Variants in GATB observed in about 807,000 individuals in gnomAD.
GATB encodes the protein glutamyl-tRNA(Gln) amidotransferase subunit B, mitochondrial.
In GATB, 39 loss-of-function variants were observed where a neutral mutation model predicts 62.3. The ratio of observed to expected loss-of-function variants is 0.63; its 90% confidence interval spans 0.48 to 0.82. The LOEUF (loss-of-function observed/expected upper bound fraction) is 0.82, where lower values mean the gene tolerates loss of function less well. Ranked by LOEUF, GATB falls within the 40% of genes least tolerant of loss-of-function variation. GATB has a pLI of 0.00. For synonymous variants in GATB, 276 were observed against 258.9 expected, an observed-to-expected ratio of 1.07 and a Z score of -0.63; for missense variants, 670 against 684.0, an observed-to-expected ratio of 0.98 and a Z score of 0.23.
intron 2 of GATB, among the ~76,000 whole-genome samples, chr4:151,742,263 T>C (rs1739506285): frequency 6.6e-6 from 1 of 151,842 alleles, no homozygotes; most frequent in African/African-American, 2.4e-5. Context: ...TAATTTCTTG[T>C]ATTTTTAGTA....
intron 2 of GATB, among the ~76,000 whole-genome samples, chr4:151,726,398 A>C (rs1739138248): frequency 1.3e-5 from 2 of 152,204 alleles, no homozygotes; most frequent in Admixed American, 6.5e-5. Context: ...TATAATAATT[A>C]AGCTTGCTGA....
At chr4:151,700,290 G>A (rs966133036) in intron 9 of GATB, among the ~76,000 whole-genome samples, 22 of 152,082 alleles carry the variant, frequency 1.4e-4, no homozygotes, top group Non-Finnish European at 2.9e-5. Flanking sequence ...ACACTAATAA[G>A]TACTTAAAAG....
chr4:151,734,945 G>T (rs993062924), intron 2 of GATB, among the ~76,000 whole-genome samples: 2 of 152,080 alleles, frequency 1.3e-5, no homozygotes, highest in African/African-American at 4.8e-5. Context: ...GATGGATTAA[G>T]GACTTAAACC....
chr4:151,740,157 T>C (rs535811433), intron 2 of GATB, among the ~76,000 whole-genome samples: 15 of 152,364 alleles, frequency 9.8e-5, no homozygotes, highest in Non-Finnish European at 1.6e-4. Flanking sequence ...TGGTTCTGAC[T>C]CAAGACAGGA....
intron 2 of GATB, among the ~76,000 whole-genome samples, chr4:151,744,404 CATACATA>C (rs1739554742): frequency 6.6e-6 from 1 of 152,208 alleles, no homozygotes; most frequent in Non-Finnish European, 1.5e-5. Flanking sequence ...TTATAAACAA[CATACATA>C]AAACATAAAA....
chr4:151,742,126 T>C (rs1394650831), intron 2 of GATB, among the ~76,000 whole-genome samples: 1 of 151,684 alleles, frequency 6.6e-6, no homozygotes, highest in Non-Finnish European at 1.5e-5. Context: ...TCTTGCTCTT[T>C]CGCCCAGGCC....
At chr4:151,694,488 CA>C (rs1316571711) in intron 9 of GATB, among the ~76,000 whole-genome samples, 1 of 152,164 alleles carries the variant, frequency 6.6e-6, no homozygotes, top group African/African-American at 2.4e-5. Context: ...TTTACCAGAA[CA>C]AAACATTGGT....
chr4:151,748,128 A>G (rs1038364693), intron 2 of GATB, among the ~76,000 whole-genome samples: 2 of 152,230 alleles, frequency 1.3e-5, no homozygotes, highest in Non-Finnish European at 2.9e-5. Flanking sequence ...CCATCAAGCT[A>G]CTAATGACTT....
chr4:151,749,146 A>C (rs191817525), intron 2 of GATB, among the ~76,000 whole-genome samples: 5 of 152,340 alleles, frequency 3.3e-5, no homozygotes, highest in Admixed American at 2.6e-4. Context: ...TTGACCCAGC[A>C]GTCCCATTAC....
chr4:151,684,824 T>A (rs1284463432), intron 10 of GATB, among the ~76,000 whole-genome samples: 1 of 152,208 alleles, frequency 6.6e-6, no homozygotes, highest in Non-Finnish European at 1.5e-5. Context: ...AAAACTTTAC[T>A]GCTTATAAAC....
At chr4:151,691,344 C>T (rs987862024) in intron 9 of GATB, among the ~76,000 whole-genome samples, 2 of 152,172 alleles carry the variant, frequency 1.3e-5, no homozygotes, top group Admixed American at 6.5e-5. Context: ...ATGGCTAAAG[C>T]AGCAGGCATG....
intron 11 of GATB, chr4:151,675,080 G>A (rs765460557): frequency 3.3e-5 from 5 of 152,314 alleles, no homozygotes; most frequent in Non-Finnish European, 7.3e-5. Context: ...GGATTTGCCT[G>A]GGCCAAAATA....
chr4:151,708,802 G>C (rs1275537459), intron 5 of GATB, among the ~76,000 whole-genome samples: 1 of 152,188 alleles, frequency 6.6e-6, no homozygotes, highest in Admixed American at 6.5e-5. Context: ...CCCATGCTGG[G>C]AGGACCTTCT....
At chr4:151,746,900 C>T (rs1409180349) in intron 2 of GATB, among the ~76,000 whole-genome samples, 1 of 152,092 alleles carries the variant, frequency 6.6e-6, no homozygotes, top group Non-Finnish European at 1.5e-5. Context: ...CAGATGTGTA[C>T]ATGCCCAGAG....
At position 151,708,021 on chromosome 4, in the gene GATB, G is replaced by T. The variant is rs1738747372; in HGVS notation, c.844C>A (p.Leu282Ile). 1 of 1,613,904 alleles carries T rather than the reference G, an allele frequency of 6.2e-7. No individual in the cohort carries two copies. Among genetic ancestry groups the T allele is most frequent in the African/African-American group, 1.3e-5 (1 of 74,942 alleles). The change falls in exon 6 of 13, where the codon CTC becomes ATC. Residue 282 changes from leucine to isoleucine, a missense_variant. By Grantham distance (5) the Leu-to-Ile change is conservative. Transcript: ENST00000263985. ...TTGGCCAGGAACCTGATGCTGTTGA[G>T]ATTCTTCACTTCCGTTCGAACGCCC... ...PLGVRTEVKN[L>I]NSIRFLAKAI...
Position 151,744,813 on chromosome 4 carries a change from G to A in GATB, c.327+13959C>T, listed in dbSNP as rs1739564721. On this transcript the variant is annotated intron_variant, in intron 2 of 12. Coordinates refer to ENST00000263985, the MANE Select transcript of GATB (RefSeq NM_004564.3). The stretch of plus-strand genomic sequence containing the variant: ...ATCATGCTGCCTCCTGAACATGAAA[G>A]TCATCATTGTCATGAGTCACTGAGT... Among the ~76,000 whole-genome samples the A allele has an allele frequency of 2.6e-5, 4 of 152,184 alleles. No homozygotes were observed. In the South Asian group the frequency reaches 8.3e-4, roughly 32 times the overall value.
chr4:151,734,765 A>C (rs1371473902), intron 2 of GATB, among the ~76,000 whole-genome samples: 1 of 152,228 alleles, frequency 6.6e-6, no homozygotes, highest in Non-Finnish European at 1.5e-5. Flanking sequence ...TAGAGAACCC[A>C]GAAATAAACC....
chr4:151,671,508 G>C (rs1481336337), intron 12 of GATB, among the ~76,000 whole-genome samples: 1 of 152,170 alleles, frequency 6.6e-6, no homozygotes, highest in African/African-American at 2.4e-5. Flanking sequence ...TTGCTACTCT[G>C]CTTTCTGATT....
chr4:151,680,502 G>T (rs535391831), intron 10 of GATB, among the ~76,000 whole-genome samples: 2 of 152,236 alleles, frequency 1.3e-5, no homozygotes, highest in East Asian at 1.9e-4. Flanking sequence ...TCTAGGATGT[G>T]ACTTATTTGC....
Sources: gnomAD v4.1 joint callset for allele counts (sites outside exome capture counted in the v4.1 genomes callset) on GRCh38, gnomAD v4.1.1 for gene constraint, MANE v1.5 for transcripts, NCBI Gene and HGNC (gene_info 2026-07-23, HGNC 2026-07-21) for gene names.